The following VMA21 variants were observed in gnomAD, a reference collection of about 807,000 sequenced individuals.
The protein encoded by VMA21 is vacuolar ATPase assembly integral membrane protein VMA21.
For synonymous variants in VMA21, 47 were observed against 34.1 expected (o/e 1.38, Z -1.32); for missense variants, 61 against 80.6 (o/e 0.76, Z 0.93).
rs780265419 is a variant in VMA21 at position 151,409,270 on chromosome X, C to A, written c.*4212C>A. 6.3e-5 allele frequency: 7 copies of A among 111,178 alleles called. No individual in the cohort carries two copies. Among genetic ancestry groups the A allele is most frequent in the Non-Finnish European group, 1.1e-4 (6 of 53,057 alleles). The allele number at this position is 111,178 out of a possible 1,213,427, so 9.2% of individuals were successfully genotyped here. The stretch of plus-strand genomic sequence containing the variant: ...TTCTGTTAAGTGATGCTTTTCTAAC[C>A]GTTTTCTGGATGGATTTTGTATTCA... On this transcript the variant is annotated 3_prime_UTR_variant, in exon 3 of 3. Transcript: ENST00000330374.
chrX:151,402,440 C>T (rs2011244338), intron 1 of VMA21, among the ~76,000 whole-genome samples: 1 of 112,205 alleles, frequency 8.9e-6, no homozygotes, highest in Non-Finnish European at 1.9e-5. Context: ...CCTCGGCCTC[C>T]CAAAGTGCTG....
At chrX:151,397,118 G>A (rs1254487634), upstream of VMA21, 1 of 336,102 alleles carries the variant, frequency 3.0e-6, no homozygotes, top group Non-Finnish European at 4.8e-6. Context: ...GCGGCGCGCC[G>A]CGCCGCGCCG....
chrX:151,405,150 A>G lies in VMA21; in HGVS notation c.*92A>G. The G allele has an allele frequency of 9.3e-7, 1 of 1,077,639 alleles. No homozygotes were observed. Among genetic ancestry groups the G allele is most frequent in the East Asian group, 3.1e-5 (1 of 32,051 alleles). The allele number at this position is 1,077,639 out of a possible 1,213,427, so 88.8% of individuals were successfully genotyped here. On this transcript the variant is annotated 3_prime_UTR_variant, in exon 3 of 3. Transcript: ENST00000330374. ...CTGATTTGAATAAAGTTGAAAGAAC[A>G]TGTTAAAGTCAGTCTTAAGGAGTCA...
chrX:151,401,922 AT>A (rs1241526012), intron 1 of VMA21, among the ~76,000 whole-genome samples: 4 of 108,712 alleles, frequency 3.7e-5, no homozygotes, highest in Non-Finnish European at 5.7e-5. Context: ...AATTATCAAA[AT>A]TTTTTTTTGT....
intron 1 of VMA21, among the ~76,000 whole-genome samples, chrX:151,400,263 CTT>C (rs761763555): frequency 1.0e-5 from 1 of 96,126 alleles, no homozygotes. Flanking sequence ...GACCGTTGAC[CTT>C]TTTTTTTTTT....
intron 1 of VMA21, among the ~76,000 whole-genome samples, chrX:151,400,081 T>A: frequency 9.0e-6 from 1 of 111,182 alleles, no homozygotes; most frequent in Middle Eastern, 4.6e-3. Flanking sequence ...AAGTCCCTAA[T>A]ACCATGCAAC....
Position 151,404,934 on chromosome X carries a change from A to T in VMA21, c.182A>T (p.Asn61Ile). The stretch of plus-strand genomic sequence containing the variant: ...TTGATAGGCGCCCTTGGGATGTCCA[A>T]TAGGGACAGCTATTTTTACGCTGCT... Reference protein sequence around the residue: ...YIFEGALGMSNRDSYFYAAIV... With the variant: ...YIFEGALGMSIRDSYFYAAIV... Residue 61 changes from asparagine to isoleucine, a missense_variant, in exon 3 of 3, where the codon AAT becomes ATT. Asn to Ile is a moderately radical substitution (Grantham distance 149). Coordinates refer to ENST00000330374, the MANE Select transcript of VMA21 (RefSeq NM_001017980.4). 1 of 1,211,167 alleles carries T rather than the reference A, an allele frequency of 8.3e-7. No homozygotes were observed. The highest frequency in any genetic ancestry group is 1.8e-5 in the South Asian group (1 of 56,934).
chrX:151,403,878 G>A (rs2011259172), intron 2 of VMA21, 138 bp downstream of exon 2: 2 of 458,004 alleles, frequency 4.4e-6, no homozygotes, highest in Non-Finnish European at 7.5e-6. Flanking sequence ...TGCTCATAAT[G>A]AGTCTTTATG....
Position 151,407,293 on chromosome X carries a change from T to C in VMA21, c.*2235T>C, listed in dbSNP as rs1264149927. Reference sequence around the variant, plus strand: ...GAAGGTTAAAATCAAATGCTAGGGTTGATATTTAGGCTTATAACAAAATAG... The same window carrying C: ...GAAGGTTAAAATCAAATGCTAGGGTCGATATTTAGGCTTATAACAAAATAG... On this transcript the variant is annotated 3_prime_UTR_variant, in exon 3 of 3. Transcript: ENST00000330374. The C allele has an allele frequency of 8.8e-6, 1 of 113,290 alleles. No individual in the cohort carries two copies. Among genetic ancestry groups the C allele is most frequent in the East Asian group, 2.8e-4 (1 of 3,636 alleles). The allele number at this position is 113,290 out of a possible 1,213,427, so 9.3% of individuals were successfully genotyped here.
chrX:151,397,635 T>G (rs1220076395), intron 1 of VMA21, among the ~76,000 whole-genome samples: 2 of 112,797 alleles, frequency 1.8e-5, no homozygotes, highest in African/African-American at 6.5e-5. Context: ...GCTGTGTCTA[T>G]ATTGCAGTCT....
At chrX:151,401,474 G>A (rs1432437074) in intron 1 of VMA21, among the ~76,000 whole-genome samples, 1 of 112,024 alleles carries the variant, frequency 8.9e-6, no homozygotes, top group South Asian at 3.7e-4. Context: ...CTTTTTCAAT[G>A]TTGCTTTGGC....
chrX:151,398,321 C>T (rs761358769), intron 1 of VMA21, among the ~76,000 whole-genome samples: 7 of 107,805 alleles, frequency 6.5e-5, no homozygotes, highest in Non-Finnish European at 1.2e-4. Flanking sequence ...ACCCGATAGG[C>T]GTTTTTTCTG....
rs1556034337 is a variant in VMA21 at position 151,397,331 on chromosome X, C to T, written c.23C>T (p.Ala8Val). The T allele has an allele frequency of 8.6e-7, 1 of 1,162,435 alleles. No individual in the cohort carries two copies. Among genetic ancestry groups the T allele is most frequent in the Non-Finnish European group, 1.1e-6 (1 of 872,641 alleles). MERPDKA[A>V]LNALQPPEFR... ...ACCATGGAGCGCCCGGATAAGGCGGCGCTGAACGCACTGCAGCCTCCTGAG... is the reference window on the plus strand; with the variant it reads ...ACCATGGAGCGCCCGGATAAGGCGGTGCTGAACGCACTGCAGCCTCCTGAG... Residue 8 changes from alanine (A) to valine (V), a missense_variant, in exon 1 of 3, where the codon GCG becomes GTG. Transcript: ENST00000330374.
intron 1 of VMA21, among the ~76,000 whole-genome samples, chrX:151,399,682 C>T (rs1387296003): frequency 9.0e-6 from 1 of 111,545 alleles, no homozygotes; most frequent in African/African-American, 3.3e-5. Flanking sequence ...TTTAAGGGAG[C>T]TTATGTATAT....
At chrX:151,399,946 T>A (rs1175662214) in intron 1 of VMA21, among the ~76,000 whole-genome samples, 1 of 111,530 alleles carries the variant, frequency 9.0e-6, no homozygotes, top group African/African-American at 3.3e-5. Context: ...TATTTGAGGT[T>A]CATAACATGA....
At chrX:151,399,871 A>G (rs1008987496) in intron 1 of VMA21, among the ~76,000 whole-genome samples, 6 of 111,822 alleles carry the variant, frequency 5.4e-5, no homozygotes, top group African/African-American at 1.9e-4. Flanking sequence ...TATTTAATAT[A>G]TATTTTACTC....
intron 1 of VMA21, among the ~76,000 whole-genome samples, chrX:151,398,308 A>T (rs186131219): frequency 4.3e-4 from 37 of 86,044 alleles, no homozygotes; most frequent in Middle Eastern, 5.6e-3. Flanking sequence ...TAATAAGCAT[A>T]GTACCCGATA....
intron 1 of VMA21, among the ~76,000 whole-genome samples, chrX:151,398,004 A>G (rs1193496590): frequency 2.7e-5 from 3 of 110,423 alleles, no homozygotes; most frequent in Non-Finnish European, 3.8e-5. Flanking sequence ...TGATTTCCCA[A>G]TTTTGAAGAG....
At chrX:151,402,088 A>T (rs2011241334) in intron 1 of VMA21, among the ~76,000 whole-genome samples, 1 of 109,941 alleles carries the variant, frequency 9.1e-6, no homozygotes, top group South Asian at 3.9e-4. Flanking sequence ...TGTTTTCTTG[A>T]TTTCTTTTTC....
Sources: allele counts gnomAD v4.1 joint callset (sites outside exome capture counted in the v4.1 genomes callset), GRCh38; gene constraint gnomAD v4.1.1; transcripts MANE v1.5; gene names NCBI Gene and HGNC (gene_info 2026-07-23, HGNC 2026-07-21).